Variants in RYR1 observed in about 807,000 individuals in gnomAD.
RYR1 encodes the protein ryanodine receptor 1.
Under a neutral mutation model 583.5 loss-of-function variants are expected in RYR1, and 342 were observed. The ratio of observed to expected loss-of-function variants is 0.59; its 90% confidence interval spans 0.54 to 0.64. The LOEUF (loss-of-function observed/expected upper bound fraction) is 0.64. Ranked by LOEUF, RYR1 falls within the 30% of genes least tolerant of loss-of-function variation. The probability of loss-of-function intolerance (pLI) is 0.00; values close to 1 mark genes in which losing one functional copy is unlikely to be tolerated. For missense variants in RYR1, 6,032 were observed against 6,917.2 expected (o/e 0.87, Z 4.54); for synonymous variants, 2,791 against 2,822.5 (o/e 0.99, Z 0.35).
In RYR1 at chr19:38,548,512, A is replaced by G. The variant is rs77584892; in HGVS notation, c.12282+92A>G. On this transcript the variant is annotated intron_variant, in intron 89 of 105. Transcript: ENST00000359596. ...TGGCTGGCTGCCTCAGGCAAGAGAC[A>G]TCTCTGCAAGCCTCACTTTCCTTGT... The G allele has an allele frequency of 0.025, 29,471 of 1,176,038 alleles. 734 individuals are homozygous for G. The highest frequency in any genetic ancestry group is 0.098 in the Admixed American group (5,416 of 55,352). 72.9% of individuals were successfully genotyped at this position (1,176,038 alleles called of 1,614,324 possible).
At position 38,505,031 on chromosome 19, in the gene RYR1, T is replaced by G. The variant is rs776951585; in HGVS notation, c.8260T>G (p.Phe2754Val). The change falls in exon 52 of 106, where the codon TTC becomes GTC. Residue 2754 changes from phenylalanine (F) to valine (V), a missense_variant. Phe to Val is a conservative substitution (Grantham distance 50). Transcript: ENST00000359596. ...NVIIPEKLDS[F>V]INKFAEYTHE... Reference sequence around the variant, plus strand: ...GATCATCCCGGAGAAGCTGGACTCCTTCATTAACAAGTTTGCGGAGTACAC... The same window carrying G: ...GATCATCCCGGAGAAGCTGGACTCCGTCATTAACAAGTTTGCGGAGTACAC... 21 of 1,614,152 alleles carry G rather than the reference T, an allele frequency of 1.3e-5. No individual in the cohort carries two copies. Among genetic ancestry groups the G allele is most frequent in the Non-Finnish European group, 1.7e-5 (20 of 1,180,010 alleles).
At chr19:38,490,340 T>C in intron 36 of RYR1, 64 bp downstream of exon 36, 1 of 1,484,716 alleles carries the variant, frequency 6.7e-7, no homozygotes, top group African/African-American at 1.4e-5. Context: ...ATCTCCTGAC[T>C]CTGATCACTG....
chr19:38,565,411 G>A lies in RYR1; in HGVS notation c.13077G>A (p.Trp4359Ter). 2 of 1,480,256 alleles carry A rather than the reference G, an allele frequency of 1.4e-6. No homozygotes were observed. The allele number at this position is 1,480,256 out of a possible 1,614,324, so 91.7% of individuals were successfully genotyped here. A position where few individuals can be genotyped will look rare whatever the true frequency, so the allele number is the denominator to read the frequency against. ...CGGCGGGCGCGCTGGGCCTGCTCTG[G>A]GGCTCGCTGTTCGGCGGCGGCCTGG... ...GAAAGALGLL[W>*]GSLFGGGLVE... The change falls in exon 91 of 106, where the codon TGG becomes TGA. Residue 4359 changes from tryptophan (W) to a stop codon, truncating the protein, a stop_gained. Coordinates refer to ENST00000359596, the MANE Select transcript of RYR1 (RefSeq NM_000540.3). LOFTEE classifies it high-confidence loss of function. This position sits in a 1 kb window ranked among gnomAD's most constrained non-coding sequence, Gnocchi z 4.7.
chr19:38,541,926 G>A (rs1008723732), intron 84 of RYR1, among the ~76,000 whole-genome samples: 7 of 151,652 alleles, frequency 4.6e-5, no homozygotes, highest in East Asian at 1.9e-4. Context: ...AAAATTGGCC[G>A]GATGTGGTGG....
chr19:38,499,219 C>T lies in RYR1; in HGVS notation c.7003C>T (p.Leu2335=). Residue 2335 remains leucine, a synonymous_variant, in exon 43 of 106, where the codon CTG becomes TTG. Transcript: ENST00000359596. This position sits in a 1 kb window ranked among gnomAD's most constrained non-coding sequence, Gnocchi z 7.3. ...TGGTGGAGAGCGCTACCTGGACTTC[C>T]TGCGCTTTGCTGTCTTCGTCAACGG... The part of the protein sequence containing the change: ...PCGGERYLDF[L]RFAVFVNGES... 6 of 1,614,190 alleles carry T rather than the reference C, an allele frequency of 3.7e-6. No individual in the cohort carries two copies. Among genetic ancestry groups the T allele is most frequent in the Non-Finnish European group, 5.1e-6 (6 of 1,180,008 alleles).
At chr19:38,462,891 CTTTT>C (rs553168266) in intron 20 of RYR1, among the ~76,000 whole-genome samples, 2 of 78,754 alleles carry the variant, frequency 2.5e-5, no homozygotes, top group African/African-American at 4.9e-5. Context: ...ACTCTCTCTT[CTTTT>C]TTTTTTTTTT....
At chr19:38,566,711 G>A (rs1449118467) in intron 91 of RYR1, among the ~76,000 whole-genome samples, 200 bp from the exon 92 acceptor site, 1 of 152,102 alleles carries the variant, frequency 6.6e-6, no homozygotes, top group Non-Finnish European at 1.5e-5. Context: ...GCAGTGCTTT[G>A]GGCAAAGGGC....
chr19:38,523,112 C>T lies in RYR1; in HGVS notation c.10344C>T (p.Ser3448=), dbSNP rs754547795. ...VGEIFIYWSK[S]HNFKREEQNF... ...AGATCTTCATCTACTGGTCCAAGTC[C>T]CACGTGAGTGCCCACCCCAACCGCC... is the stretch of plus-strand genomic sequence containing the variant. Residue 3448 remains serine (S), a synonymous_variant, in exon 68 of 106, where the codon TCC becomes TCT. Transcript: ENST00000359596. 69 of 1,613,520 alleles carry T rather than the reference C, an allele frequency of 4.3e-5. No individual in the cohort carries two copies. Among genetic ancestry groups the T allele is most frequent in the Non-Finnish European group, 5.1e-6 (6 of 1,179,932 alleles).
At chr19:38,484,627 G>C (rs183215558) in intron 33 of RYR1, among the ~76,000 whole-genome samples, 2 of 151,964 alleles carry the variant, frequency 1.3e-5, no homozygotes, top group Admixed American at 1.3e-4. Context: ...AAGGGACCCA[G>C]GGTCATCCCC....
rs773834924 is a variant in RYR1, at chr19:38,499,764, T to A, written c.7157T>A (p.Ile2386Asn). 1.2e-6 allele frequency: 2 copies of A among 1,602,542 alleles called. No individual in the cohort carries two copies. Among genetic ancestry groups the A allele is most frequent in the Non-Finnish European group, 1.7e-6 (2 of 1,179,146 alleles). Residue 2386 changes from isoleucine (I) to asparagine (N), a missense_variant, in exon 44 of 106, where the codon ATC (isoleucine) becomes AAC (asparagine). Physicochemically the swap from Ile to Asn is moderately radical, Grantham distance 149. Coordinates refer to ENST00000359596, the MANE Select transcript of RYR1 (RefSeq NM_000540.3). The surrounding 1 kb of genome is among the most constrained non-coding windows in gnomAD (Gnocchi z 7.3). ...GCTGCCATCGAAGAGGCCATCCGCA[T>A]CTCCGAGGACCCTGCGAGGGATGGC... ...LLAAIEEAIRISEDPARDGPG... is the reference protein window; with the variant it reads ...LLAAIEEAIRNSEDPARDGPG...
chr19:38,494,853 C>T lies in RYR1; in HGVS notation c.6548+228C>T, dbSNP rs35632532. Among the ~76,000 whole-genome samples the T allele has an allele frequency of 0.11, 13,837 of 127,420 alleles. 1,633 individuals are homozygous for T. The highest frequency in any genetic ancestry group is 0.28 in the African/African-American group (9,041 of 32,730). 83.6% of individuals were successfully genotyped at this position (127,420 alleles called of 152,430 possible). The stretch of plus-strand genomic sequence containing the variant: ...TCAGCAGGACATTCCCCACCCCCCC[C>T]TTTTTTTTTTTTTTTGTGAGACTGA... On this transcript the variant is annotated intron_variant, in intron 39 of 105. Coordinates refer to ENST00000359596, the MANE Select transcript of RYR1 (RefSeq NM_000540.3).
At chr19:38,568,052 G>T (rs185841060) in intron 93 of RYR1, 135 bp downstream of exon 93, 4 of 1,058,490 alleles carry the variant, frequency 3.8e-6, no homozygotes, top group Non-Finnish European at 4.2e-6. Flanking sequence ...GCTGGGGAAA[G>T]GGCAGAGGTA....
intron 89 of RYR1, among the ~76,000 whole-genome samples, chr19:38,556,678 C>G (rs1467700374): frequency 6.6e-6 from 1 of 152,154 alleles, no homozygotes; most frequent in Non-Finnish European, 1.5e-5. Flanking sequence ...GCAAGAGCCA[C>G]TGTGCCTGGC....
intron 90 of RYR1, among the ~76,000 whole-genome samples, chr19:38,564,299 A>C (rs1014549070): frequency 6.6e-6 from 1 of 152,064 alleles, no homozygotes; most frequent in Admixed American, 6.5e-5. Context: ...TGAGGCGGGC[A>C]GATCACTTGA....
chr19:38,440,651 A>G (rs746562308), intron 1 of RYR1, 94 bp from the exon 2 acceptor site: 28 of 1,475,102 alleles, frequency 1.9e-5, no homozygotes, highest in Non-Finnish European at 2.6e-5. Context: ...TGTCTTTTTC[A>G]TAAGGACCAG....
rs1157141377 is a variant in RYR1, at chr19:38,444,751, C to G, written c.631+74C>G. 2 of 1,142,492 alleles carry G rather than the reference C, an allele frequency of 1.8e-6. No homozygotes were observed. Among genetic ancestry groups the G allele is most frequent in the Non-Finnish European group, 2.6e-6 (2 of 770,634 alleles). 70.8% of individuals were successfully genotyped at this position (1,142,492 alleles called of 1,614,324 possible). ...CCTTAATGTTGCCCTTCAGGCATAC[C>G]CAAATGGAGCCTTGGAACCTCAGAC... On this transcript the variant is annotated intron_variant, in intron 7 of 105. Coordinates refer to ENST00000359596, the MANE Select transcript of RYR1 (RefSeq NM_000540.3). This position sits in a 1 kb window ranked among gnomAD's most constrained non-coding sequence, Gnocchi z 5.1.
At chr19:38,454,837 G>A (rs1476152879) in intron 13 of RYR1, among the ~76,000 whole-genome samples, 1 of 152,038 alleles carries the variant, frequency 6.6e-6, no homozygotes. Context: ...CTTTCTGATG[G>A]TTGGTGTGGA....
In RYR1 at chr19:38,565,244, G is replaced by A. The variant is rs959143903; in HGVS notation, c.12910G>A (p.Ala4304Thr). The A allele has an allele frequency of 7.1e-6, 7 of 989,808 alleles. No individual in the cohort carries two copies. Among genetic ancestry groups the A allele is most frequent in the African/African-American group, 7.0e-5 (4 of 56,818 alleles). The allele number at this position is 989,808 out of a possible 1,614,324, so 61.3% of individuals were successfully genotyped here. ...TARVVAAAGR[A>T]LRGLSYRSLR... is the part of the protein sequence containing the mutation. ...GCGGGTTGTGGCGGCCGCAGGCCGG[G>A]CCCTGCGAGGCCTCAGCTACCGCAG... Residue 4304 changes from alanine to threonine, a missense_variant, in exon 91 of 106, where the codon GCC becomes ACC. By Grantham distance (58) the Ala-to-Thr change is moderately conservative. This residue lies in a region of RYR1 where 753 missense variants were observed against 759.6 expected (regional missense o/e 0.99). Transcript: ENST00000359596. This position sits in a 1 kb window ranked among gnomAD's most constrained non-coding sequence, Gnocchi z 4.7.
At chr19:38,534,955 G>A in intron 79 of RYR1, 136 bp downstream of exon 79, 1 of 1,116,286 alleles carries the variant, frequency 9.0e-7, no homozygotes, top group East Asian at 2.6e-5. Context: ...AGCCCTTGCA[G>A]CTTCCCCTTG....
Sources: allele counts gnomAD v4.1 joint callset (sites outside exome capture counted in the v4.1 genomes callset), GRCh38; gene constraint gnomAD v4.1.1; regional missense constraint gnomAD v4.1.1; non-coding constraint Gnocchi (gnomAD v3.1); transcripts MANE v1.5; gene names NCBI Gene and HGNC (gene_info 2026-07-23, HGNC 2026-07-21).